CYP3A4: variants seen among roughly 807,000 people sequenced by gnomAD.
CYP3A4 encodes the protein cytochrome P450 family 3 subfamily A member 4.
In CYP3A4, 41 loss-of-function variants were observed where a neutral mutation model predicts 54.9. The ratio of observed to expected loss-of-function variants is 0.75; its 90% CI spans 0.58 to 0.97. The LOEUF is 0.97. Ranked by LOEUF, CYP3A4 falls within the 50% of genes least tolerant of loss-of-function variation. The pLI is 0.00. For missense variants in CYP3A4, 510 were observed against 597.3 expected (o/e 0.85, Z 1.52); for synonymous variants, 179 against 205.2 (o/e 0.87, Z 1.09).
At position 99,760,949 on chromosome 7, in the gene CYP3A4, G is replaced by A. The variant is rs764639770; in HGVS notation, c.1286C>T (p.Pro429Leu). 8 of 1,613,774 alleles carry A rather than the reference G, an allele frequency of 5.0e-6. No homozygotes were observed. The highest frequency in any genetic ancestry group is 6.8e-6 in the Non-Finnish European group (8 of 1,179,902). Reference protein sequence around the residue: ...FSKKNKDNIDPYIYTPFGSGP... With the variant: ...FSKKNKDNIDLYIYTPFGSGP... ...ACTTCCAAAGGGTGTGTATATGTAA[G>A]GATCTATGTTGTCCTTGTTCTTCTT... is the stretch of plus-strand genomic sequence containing the variant. The change falls in exon 12 of 13, where the codon CCT becomes CTT. Residue 429 changes from proline (P) to leucine (L), a missense_variant. By Grantham distance (98) the Pro-to-Leu change is moderately conservative. Transcript: ENST00000651514.
intron 7 of CYP3A4, among the ~76,000 whole-genome samples, chr7:99,767,795 G>A (rs900257722): frequency 6.6e-6 from 1 of 152,138 alleles, no homozygotes. Flanking sequence ...AATAGAAACT[G>A]TTTTGAGGTG....
chr7:99,780,143 T>G lies in CYP3A4; in HGVS notation c.72-58A>C, dbSNP rs557815314. 7.1e-6 allele frequency: 11 copies of G among 1,539,754 alleles called. No individual in the cohort carries two copies. The East Asian group carries it at 2.0e-4, about 29-fold the overall frequency. The stretch of plus-strand genomic sequence containing the variant: ...ATTGTGACTTTATAGATATAGGGGT[T>G]GATGAGTCATTGACTGAGGAACTGG... On this transcript the variant is annotated intron_variant, in intron 1 of 12. Coordinates refer to ENST00000651514, the MANE Select transcript of CYP3A4 (RefSeq NM_017460.6).
Position 99,763,906 on chromosome 7 carries a change from A to G in CYP3A4, c.975T>C (p.Pro325=), listed in dbSNP as rs1335753114. ...SFIMYELATH[P]DVQQKLQEEI... ...CCTCCTGCAGTTTCTGCTGGACATC[A>G]GGGTGAGTGGCCAGTTCATACATAA... Residue 325 remains proline (P), a synonymous_variant, in exon 10 of 13, where the codon CCT becomes CCC. Transcript: ENST00000651514. 6.2e-7 allele frequency: 1 copy of G among 1,614,074 alleles called. No homozygotes were observed.
intron 3 of CYP3A4, among the ~76,000 whole-genome samples, chr7:99,775,358 A>C (rs921684698): frequency 6.6e-6 from 1 of 152,188 alleles, no homozygotes; most frequent in African/African-American, 2.4e-5. Flanking sequence ...GTTCATATGG[A>C]ACCAAAAAAG....
At chr7:99,768,602 A>G in intron 6 of CYP3A4, 100 bp from the exon 7 acceptor site, 3 of 1,603,664 alleles carry the variant, frequency 1.9e-6, no homozygotes, top group Non-Finnish European at 2.6e-6. Context: ...AAGACAGACA[A>G]ACAGCCACAG....
chr7:99,777,342 T>G (rs768747151), intron 3 of CYP3A4, among the ~76,000 whole-genome samples: 29 of 151,968 alleles, frequency 1.9e-4, no homozygotes, highest in Non-Finnish European at 4.0e-4. Flanking sequence ...AGAAAAGTAA[T>G]CACAATGCTC....
rs774766119 is a variant in CYP3A4 at position 99,767,110 on chromosome 7, A to G, written c.798+21T>C. ...ATTATGAAAAACTAAACATCCTCCTATAACTACCACCACATTTTACCTTTT... is the reference window on the plus strand; with the variant it reads ...ATTATGAAAAACTAAACATCCTCCTGTAACTACCACCACATTTTACCTTTT... On this transcript the variant is annotated intron_variant, in intron 8 of 12. Transcript: ENST00000651514. 20 of 1,604,472 alleles carry G rather than the reference A, an allele frequency of 1.2e-5. No individual in the cohort carries two copies. The Admixed American group carries it at 1.4e-4, about 11-fold the overall frequency.
In CYP3A4 at chr7:99,760,944, T is replaced by C; in HGVS notation, c.1291A>G (p.Ile431Val). The C allele has an allele frequency of 6.2e-7, 1 of 1,614,108 alleles. No individual in the cohort carries two copies. The highest frequency in any genetic ancestry group is 8.5e-7 in the Non-Finnish European group (1 of 1,179,976). The change falls in exon 12 of 13, where the codon ATA becomes GTA. Residue 431 changes from isoleucine (I) to valine (V), a missense_variant. Physicochemically the swap from Ile to Val is conservative, Grantham distance 29. Transcript: ENST00000651514. ...GGTCCACTTCCAAAGGGTGTGTATATGTAAGGATCTATGTTGTCCTTGTTC... is the reference window on the plus strand; with the variant it reads ...GGTCCACTTCCAAAGGGTGTGTATACGTAAGGATCTATGTTGTCCTTGTTC... ...KKNKDNIDPY[I>V]YTPFGSGPRN... is the part of the protein sequence containing the mutation.
In CYP3A4 at chr7:99,779,166, A is replaced by G. The variant is rs528678230; in HGVS notation, c.165+826T>C. On this transcript the variant is annotated intron_variant, in intron 2 of 12. Transcript: ENST00000651514. ...TATATTCTATTCAGCAAAATTAAAT[A>G]TTTAATAATTTCATCAAATCATCCC... is the stretch of plus-strand genomic sequence containing the variant. Among the ~76,000 whole-genome samples the G allele has an allele frequency of 4.6e-5, 7 of 152,308 alleles. No homozygotes were observed. In the South Asian group the frequency reaches 1.5e-3, roughly 32 times the overall value.
At position 99,780,046 on chromosome 7, in the gene CYP3A4, T is replaced by G; in HGVS notation, c.111A>C (p.Gly37=). The change falls in exon 2 of 13, where the codon GGA becomes GGC. Residue 37 remains glycine, a synonymous_variant. Transcript: ENST00000651514. Reference sequence around the variant, plus strand: ...AAGGCAGAGGTGTGGGCCCTGGAATTCCAAGCTTCTTAAAAAGTCCATGTG... The same window carrying G: ...AAGGCAGAGGTGTGGGCCCTGGAATGCCAAGCTTCTTAAAAAGTCCATGTG... ...THSHGLFKKL[G]IPGPTPLPFL... 2 of 1,613,652 alleles carry G rather than the reference T, an allele frequency of 1.2e-6. No homozygotes were observed. Among genetic ancestry groups the G allele is most frequent in the South Asian group, 1.1e-5 (1 of 91,058 alleles).
Position 99,778,057 on chromosome 7 carries a change from T to C in CYP3A4, c.189A>G (p.Glu63=). 3 of 1,612,906 alleles carry C rather than the reference T, an allele frequency of 1.9e-6. No homozygotes were observed. Among genetic ancestry groups the C allele is most frequent in the Non-Finnish European group, 2.5e-6 (3 of 1,179,184 alleles). The change falls in exon 3 of 13, where the codon GAA becomes GAG. Residue 63 remains glutamate (E), a synonymous_variant. Transcript: ENST00000651514. ...ACACTTTTCCATACTTTTTATGACA[T>C]TCCATGTCAAACATACAAAAGCCCT... ...YHKGFCMFDM[E]CHKKYGKVWG...
chr7:99,781,774 A>G (rs924517803), intron 1 of CYP3A4, among the ~76,000 whole-genome samples: 2 of 152,230 alleles, frequency 1.3e-5, no homozygotes. Context: ...GAATGTCCAC[A>G]TTCCCTCCTG....
chr7:99,781,077 C>A (rs1178180277), intron 1 of CYP3A4, among the ~76,000 whole-genome samples: 1 of 152,126 alleles, frequency 6.6e-6, no homozygotes, highest in Non-Finnish European at 1.5e-5. Flanking sequence ...TCACACCATC[C>A]CGCCTTAGGT....
chr7:99,780,413 C>A (rs1815889983), intron 1 of CYP3A4, among the ~76,000 whole-genome samples: 1 of 152,110 alleles, frequency 6.6e-6, no homozygotes. Flanking sequence ...TCACTTTGTT[C>A]CTTTACGTCT....
In CYP3A4 at chr7:99,762,217, C is replaced by T; in HGVS notation, c.1077G>A (p.Val359=). Residue 359 remains valine (V), a synonymous_variant, in exon 11 of 13, where the codon GTG becomes GTA. Coordinates refer to ENST00000651514, the MANE Select transcript of CYP3A4 (RefSeq NM_017460.6). ...GGAATAATCTGAGCGTTTCATTCAC[C>T]ACCATGTCAAGATACTCCATCTGTA... is the stretch of plus-strand genomic sequence containing the variant. The part of the protein sequence containing the change: ...TVLQMEYLDM[V]VNETLRLFPI... The T allele has an allele frequency of 1.2e-6, 2 of 1,614,038 alleles. No individual in the cohort carries two copies.
rs146568511 is a variant in CYP3A4, at chr7:99,780,029, G to C, written c.128C>G (p.Pro43Arg). The C allele has an allele frequency of 6.2e-7, 1 of 1,613,676 alleles. No homozygotes were observed. Reference sequence around the variant, plus strand: ...CAAAATATTTCCCAAAAAAGGCAGAGGTGTGGGCCCTGGAATTCCAAGCTT... The same window carrying C: ...CAAAATATTTCCCAAAAAAGGCAGACGTGTGGGCCCTGGAATTCCAAGCTT... Reference protein sequence around the residue: ...FKKLGIPGPTPLPFLGNILSY... With the variant: ...FKKLGIPGPTRLPFLGNILSY... The change falls in exon 2 of 13, where the codon CCT (proline) becomes CGT (arginine). Residue 43 changes from proline (P) to arginine (R), a missense_variant. Transcript: ENST00000651514.
At chr7:99,770,512 T>A (rs1815605715) in intron 4 of CYP3A4, among the ~76,000 whole-genome samples, 1 of 152,108 alleles carries the variant, frequency 6.6e-6, no homozygotes, top group Non-Finnish European at 1.5e-5. Flanking sequence ...ACATGCAAAT[T>A]ATCCACGTGG....
intron 3 of CYP3A4, among the ~76,000 whole-genome samples, chr7:99,773,909 C>T (rs952344936): frequency 2.0e-5 from 3 of 152,090 alleles, no homozygotes; most frequent in Admixed American, 6.6e-5. Flanking sequence ...AATCCAGGAG[C>T]TGGTTTTTTG....
chr7:99,771,918 A>G (rs1248289863), intron 4 of CYP3A4, among the ~76,000 whole-genome samples: 2 of 152,172 alleles, frequency 1.3e-5, no homozygotes, highest in African/African-American at 2.4e-5. Context: ...TAAATCTCAT[A>G]CCTTATACAA....
Sources: gnomAD v4.1 joint callset for allele counts (sites outside exome capture counted in the v4.1 genomes callset) on GRCh38, gnomAD v4.1.1 for gene constraint, MANE v1.5 for transcripts, NCBI Gene and HGNC (gene_info 2026-07-23, HGNC 2026-07-21) for gene names.